Variants in GALNT7 observed in about 807,000 individuals in gnomAD.
GALNT7 encodes the protein polypeptide N-acetylgalactosaminyltransferase 7, also known as N-acetylgalactosaminyltransferase 7.
A neutral mutation model predicts 82.1 loss-of-function variants in GALNT7; 60 were observed. The ratio of observed to expected loss-of-function variants is 0.73; its 90% confidence interval spans 0.59 to 0.91. GALNT7 has a LOEUF of 0.91. GALNT7 is among the 40% of genes least tolerant of loss of function. The pLI, the probability that GALNT7 is intolerant of heterozygous loss-of-function variation, is 0.00. For missense variants in GALNT7, 660 were observed against 804.2 expected, an observed-to-expected ratio of 0.82 and a Z score of 2.17; for synonymous variants, 243 against 275.1, an observed-to-expected ratio of 0.88 and a Z score of 1.15.
chr4:173,171,545 T>G (rs1429783142), intron 1 of GALNT7, among the ~76,000 whole-genome samples: 1 of 152,246 alleles, frequency 6.6e-6, no homozygotes, highest in African/African-American at 2.4e-5. Flanking sequence ...CTTGACAACT[T>G]GGGATGGTCC....
intron 1 of GALNT7, among the ~76,000 whole-genome samples, chr4:173,223,758 A>G (rs747726080): frequency 4.9e-4 from 74 of 152,314 alleles, no homozygotes; most frequent in Non-Finnish European, 7.2e-4. Context: ...CCTAAATTCA[A>G]TAGCTGTTAA....
At chr4:173,169,001 G>T (rs1434767363) in intron 1 of GALNT7, 40 bp downstream of exon 1, 2 of 1,604,080 alleles carry the variant, frequency 1.2e-6, no homozygotes, top group Non-Finnish European at 8.5e-7. Flanking sequence ...GCAGCGACCG[G>T]CAACTTGTTT....
At position 173,176,137 on chromosome 4, in the gene GALNT7, A is replaced by G. The variant is rs1732034086; in HGVS notation, c.126+7176A>G. Among the ~76,000 whole-genome samples, 2 of 152,188 alleles carry G rather than the reference A, an allele frequency of 1.3e-5. 1 individual carries two copies. The highest frequency in any genetic ancestry group is 4.1e-4 in the South Asian group (2 of 4,828). On this transcript the variant is annotated intron_variant, in intron 1 of 11. Transcript: ENST00000265000. ...TGGAAGGGACCACTCAGGGAATGTC[A>G]GGGAAGGTGATGGCCAGAGCAGAGT... is the stretch of plus-strand genomic sequence containing the variant.
chr4:173,285,555 G>T (rs1252062123), intron 2 of GALNT7, among the ~76,000 whole-genome samples: 2 of 152,170 alleles, frequency 1.3e-5, no homozygotes, highest in Non-Finnish European at 2.9e-5. Context: ...AATAATTCTT[G>T]TCTGTTTTTA....
intron 9 of GALNT7, among the ~76,000 whole-genome samples, chr4:173,315,017 A>G (rs1342058260): frequency 1.3e-5 from 2 of 152,072 alleles, no homozygotes; most frequent in Admixed American, 1.3e-4. Flanking sequence ...CTGAGAAAAC[A>G]AAAATGATAA....
At chr4:173,179,495 G>A (rs1234661168) in intron 1 of GALNT7, among the ~76,000 whole-genome samples, 1 of 152,190 alleles carries the variant, frequency 6.6e-6, no homozygotes, top group African/African-American at 2.4e-5. Flanking sequence ...AACCTGATAA[G>A]ATATTCTTTA....
At chr4:173,175,678 C>T (rs1472543960) in intron 1 of GALNT7, among the ~76,000 whole-genome samples, 2 of 152,210 alleles carry the variant, frequency 1.3e-5, no homozygotes, top group Non-Finnish European at 2.9e-5. Context: ...AGTCTGAGCA[C>T]ATCTGGACTT....
chr4:173,187,311 G>A (rs13120215), intron 1 of GALNT7, among the ~76,000 whole-genome samples: 23,565 of 150,340 alleles, frequency 0.16, 1,900 homozygotes, highest in Non-Finnish European at 0.18. Flanking sequence ...GTTAGGATAT[G>A]TATAGATTTG....
intron 2 of GALNT7, among the ~76,000 whole-genome samples, chr4:173,263,300 G>A (rs1397155113): frequency 1.3e-5 from 2 of 152,132 alleles, no homozygotes; most frequent in African/African-American, 4.8e-5. Context: ...GACAAATACA[G>A]CATTATTTTA....
intron 2 of GALNT7, among the ~76,000 whole-genome samples, chr4:173,274,295 T>C (rs569233952): frequency 6.6e-6 from 1 of 152,336 alleles, no homozygotes; most frequent in Non-Finnish European, 1.5e-5. Flanking sequence ...ATTCTTAATT[T>C]TCCATAACAT....
intron 2 of GALNT7, among the ~76,000 whole-genome samples, chr4:173,257,821 T>C (rs1735100558): frequency 6.6e-6 from 1 of 152,188 alleles, no homozygotes; most frequent in Non-Finnish European, 1.5e-5. Context: ...AGAGAAAGAT[T>C]TGAGAATCTA....
At chr4:173,177,182 A>G (rs1336128836) in intron 1 of GALNT7, among the ~76,000 whole-genome samples, 4 of 152,148 alleles carry the variant, frequency 2.6e-5, no homozygotes, top group Non-Finnish European at 5.9e-5. Context: ...GATTGAGTAG[A>G]TTTAGGGTAG....
intron 1 of GALNT7, among the ~76,000 whole-genome samples, chr4:173,192,952 T>C (rs1367156798): frequency 6.6e-6 from 1 of 152,142 alleles, no homozygotes. Context: ...ACAGAGTTGG[T>C]TGGTAGGCAT....
At chr4:173,284,791 T>TC (rs111365368) in intron 2 of GALNT7, among the ~76,000 whole-genome samples, 16,229 of 152,120 alleles carry the variant, frequency 0.11, 2,087 homozygotes, top group African/African-American at 0.31. Flanking sequence ...GAGCCAAATT[T>TC]ACCCTTGCAT....
intron 2 of GALNT7, among the ~76,000 whole-genome samples, chr4:173,276,366 G>A (rs1176606383): frequency 1.3e-5 from 2 of 152,108 alleles, no homozygotes; most frequent in Admixed American, 1.3e-4. Context: ...CCTTCACAGG[G>A]ATTGATTGAT....
In GALNT7 at chr4:173,268,530, G is replaced by GTTTT. The variant is rs60894562; in HGVS notation, c.587+20114_587+20117dup. On this transcript the variant is annotated intron_variant, in intron 2 of 11. Transcript: ENST00000265000. The stretch of plus-strand genomic sequence containing the variant: ...AAATAGGACACTTGTTTTCTCTCTC[G>GTTTT]TTTTTTTTTTTTTTTTTTTTTTTTT... Among the ~76,000 whole-genome samples, 196 of 52,362 alleles carry GTTTT rather than the reference G, an allele frequency of 3.7e-3. 72 individuals are homozygous for GTTTT. The highest frequency in any genetic ancestry group is 5.1e-3 in the Non-Finnish European group (156 of 30,800). The allele number at this position is 52,362 out of a possible 152,430, so 34.4% of individuals were successfully genotyped here. A position where few individuals can be genotyped will look rare whatever the true frequency, so the allele number is the denominator to read the frequency against.
In GALNT7 at chr4:173,320,475, C is replaced by G. The variant is rs1442954609; in HGVS notation, c.1837-1105C>G. The stretch of plus-strand genomic sequence containing the variant: ...TGGAATTCTGTATTTTTGCAAATCT[C>G]TTTAATGTCTGGTTTAATAGAAGAA... On this transcript the variant is annotated intron_variant, in intron 11 of 11. Transcript: ENST00000265000. This position sits in a 1 kb window ranked among gnomAD's most constrained non-coding sequence, Gnocchi z 4.1. Among the ~76,000 whole-genome samples the G allele has an allele frequency of 6.6e-6, 1 of 152,064 alleles. No homozygotes were observed. The highest frequency in any genetic ancestry group is 1.5e-5 in the Non-Finnish European group (1 of 67,990).
chr4:173,310,758 G>A (rs538510526), intron 8 of GALNT7, among the ~76,000 whole-genome samples: 1 of 152,016 alleles, frequency 6.6e-6, no homozygotes, highest in South Asian at 2.1e-4. Flanking sequence ...GTTTTGAGAC[G>A]GAGTTTCACT....
At chr4:173,287,605 C>A (rs533633978) in intron 2 of GALNT7, among the ~76,000 whole-genome samples, 1 of 152,206 alleles carries the variant, frequency 6.6e-6, no homozygotes, top group African/African-American at 2.4e-5. Flanking sequence ...CCCTTCCTCC[C>A]GTCCTTTGGG....
Sources: gnomAD v4.1 joint callset for allele counts (sites outside exome capture counted in the v4.1 genomes callset) on GRCh38, gnomAD v4.1.1 for gene constraint, Gnocchi (gnomAD v3.1) non-coding constraint, MANE v1.5 for transcripts, NCBI Gene and HGNC (gene_info 2026-07-23, HGNC 2026-07-21) for gene names.